ADARB1: variants seen among roughly 807,000 people sequenced by gnomAD.
ADARB1 encodes the protein adenosine deaminase RNA specific B1, also known as double-stranded RNA-specific editase 1.
ADARB1 carries 10 observed loss-of-function variants against 52.4 expected under a neutral mutation model. The observed-to-expected ratio is 0.19, with a 90% CI of 0.12 to 0.32. The LOEUF (loss-of-function observed/expected upper bound fraction) is 0.32. Among genes scored for constraint, ADARB1 ranks in the 10% least tolerant of loss-of-function variants. The probability of loss-of-function intolerance (pLI) is 1.00; values close to 1 mark genes in which losing one functional copy is unlikely to be tolerated. For synonymous variants in ADARB1, 349 were observed against 371.1 expected (o/e 0.94, Z 0.68); for missense variants, 643 against 922.3 (o/e 0.70, Z 3.92).
chr21:45,146,464 C>T (rs1010546324), intron 2 of ADARB1, among the ~76,000 whole-genome samples: 3 of 152,218 alleles, frequency 2.0e-5, no homozygotes, highest in Non-Finnish European at 4.4e-5. Flanking sequence ...GGGACTCTCC[C>T]GGGGCTGCGT....
In ADARB1 at chr21:45,141,359, T is replaced by A. The variant is rs1034643643; in HGVS notation, c.-48+12786T>A. ...TATGTAGTAGTGGTTTTACAGAATA[T>A]ATTTCAAAGGATTGCCATTCTGTTT... On this transcript the variant is annotated intron_variant, in intron 2 of 10. Coordinates refer to ENST00000348831, the MANE Select transcript of ADARB1 (RefSeq NM_001112.4). 3.9e-5 allele frequency among the ~76,000 whole-genome samples: 6 copies of A among 152,354 alleles called. No homozygotes were observed. The South Asian group carries it at 1.2e-3, about 32-fold the overall frequency.
At chr21:45,079,008 C>T (rs1367576888) in intron 1 of ADARB1, among the ~76,000 whole-genome samples, 1 of 152,132 alleles carries the variant, frequency 6.6e-6, no homozygotes, top group Non-Finnish European at 1.5e-5. Flanking sequence ...CCCTTACCTC[C>T]TTACTGCAGC....
chr21:45,197,996 C>G (rs2092463373), intron 8 of ADARB1, among the ~76,000 whole-genome samples: 2 of 152,086 alleles, frequency 1.3e-5, no homozygotes, highest in South Asian at 4.2e-4. Context: ...CACAGTGTCC[C>G]TTTAAGCGTG....
intron 2 of ADARB1, among the ~76,000 whole-genome samples, chr21:45,166,097 A>G (rs1170724252): frequency 6.6e-6 from 1 of 152,182 alleles, no homozygotes; most frequent in African/African-American, 2.4e-5. Flanking sequence ...TAAATAAGTC[A>G]TGTTTTTAAT....
At chr21:45,158,768 C>G (rs532038846) in intron 2 of ADARB1, among the ~76,000 whole-genome samples, 1 of 152,274 alleles carries the variant, frequency 6.6e-6, no homozygotes, top group South Asian at 2.1e-4. Context: ...TGAGACCTGA[C>G]AGTATGCTAG....
intron 8 of ADARB1, among the ~76,000 whole-genome samples, chr21:45,198,492 TTAAATCACA>T (rs899319861): frequency 2.7e-4 from 39 of 143,278 alleles, no homozygotes; most frequent in Non-Finnish European, 4.2e-4. Context: ...GCCTATTAAA[TTAAATCACA>T]CACACACACA....
chr21:45,081,446 T>C (rs1055200259), intron 1 of ADARB1, among the ~76,000 whole-genome samples: 2 of 152,220 alleles, frequency 1.3e-5, no homozygotes, highest in African/African-American at 4.8e-5. Flanking sequence ...AAAATAGGCT[T>C]TGTATTAGAT....
chr21:45,127,504 G>C lies in ADARB1; in HGVS notation c.-219-898G>C, dbSNP rs114358294. ...CCCAGCAGACGAGCTGACGTGTGTT[G>C]TAGATGAATGTCAGCTGGTCACAGG... On this transcript the variant is annotated intron_variant, in intron 1 of 10. Coordinates refer to ENST00000348831, the MANE Select transcript of ADARB1 (RefSeq NM_001112.4). 5.5e-3 allele frequency among the ~76,000 whole-genome samples: 837 copies of C among 152,348 alleles called. 4 individuals carry two copies. Among genetic ancestry groups the C allele is most frequent in the Middle Eastern group, 0.014 (4 of 294 alleles).
chr21:45,084,523 C>G (rs1170544136), intron 1 of ADARB1, among the ~76,000 whole-genome samples: 1 of 152,132 alleles, frequency 6.6e-6, no homozygotes, highest in East Asian at 1.9e-4. Context: ...AGAATTGATC[C>G]CTTTCTCTGT....
In ADARB1 at chr21:45,133,595, G is replaced by T. The variant is rs143654748; in HGVS notation, c.-48+5022G>T. On this transcript the variant is annotated intron_variant, in intron 2 of 10. Transcript: ENST00000348831. ...TGCAAGGCAGGGGAGTGTACAAGGT[G>T]TGTACCCCAGGGGCAGGATGCTAAC... 2.5e-3 allele frequency: 507 copies of T among 205,834 alleles called. 9 individuals are homozygous for T. In the East Asian group the frequency reaches 0.045, roughly 18 times the overall value. 12.8% of individuals were successfully genotyped at this position (205,834 alleles called of 1,614,324 possible).
At position 45,204,723 on chromosome 21, in the gene ADARB1, G is replaced by A. The variant is rs765698360; in HGVS notation, c.1734G>A (p.Lys578=). The part of the protein sequence containing the change: ...EDLPPLYTLN[K]PLLSGISNAE... ...TGCCACCTCTCTACACCCTCAACAAGCCTTTGCTCAGTGGCAAGTATCTCT... is the reference window on the plus strand; with the variant it reads ...TGCCACCTCTCTACACCCTCAACAAACCTTTGCTCAGTGGCAAGTATCTCT... Residue 578 remains lysine (K), a synonymous_variant, in exon 9 of 11, where the codon AAG becomes AAA. Coordinates refer to ENST00000348831, the MANE Select transcript of ADARB1 (RefSeq NM_001112.4). The surrounding 1 kb of genome is among the most constrained non-coding windows in gnomAD (Gnocchi z 4.4). The A allele has an allele frequency of 6.2e-6, 10 of 1,613,964 alleles. No individual in the cohort carries two copies. The highest frequency in any genetic ancestry group is 8.5e-6 in the Non-Finnish European group (10 of 1,179,956).
intron 1 of ADARB1, among the ~76,000 whole-genome samples, chr21:45,104,178 T>C (rs900293937): frequency 6.6e-6 from 1 of 152,206 alleles, no homozygotes; most frequent in African/African-American, 2.4e-5. Flanking sequence ...GCTTCCCCTT[T>C]CTTGTCTGTC....
chr21:45,134,543 C>T (rs887627950), intron 2 of ADARB1, among the ~76,000 whole-genome samples: 2 of 148,748 alleles, frequency 1.3e-5, no homozygotes, highest in Admixed American at 1.3e-4. Context: ...TGGGTGTGTG[C>T]ACCTGGCAGA....
In ADARB1 at chr21:45,204,805, GA is replaced by G; in HGVS notation, c.1747+76del. 4 of 1,512,054 alleles carry G rather than the reference GA, an allele frequency of 2.6e-6. No homozygotes were observed. The highest frequency in any genetic ancestry group is 2.7e-6 in the Non-Finnish European group (3 of 1,109,614). 93.7% of individuals were successfully genotyped at this position (1,512,054 alleles called of 1,614,324 possible). The stretch of plus-strand genomic sequence containing the variant: ...TTGCAATGTTTTCATCCTCATGAAT[GA>G]AAAAAACACCACCTGAGCTGCTCTG... On this transcript the variant is annotated intron_variant, in intron 9 of 10. Transcript: ENST00000348831. The surrounding 1 kb of genome is among the most constrained non-coding windows in gnomAD (Gnocchi z 4.4).
At position 45,222,850 on chromosome 21, in the gene ADARB1, G is replaced by A. The variant is rs1217385276; in HGVS notation, c.*653G>A. 1.1e-5 allele frequency: 11 copies of A among 985,342 alleles called. No homozygotes were observed. The highest frequency in any genetic ancestry group is 1.2e-4 in the Admixed American group (2 of 16,266). The allele number at this position is 985,342 out of a possible 1,614,324, so 61.0% of individuals were successfully genotyped here. On this transcript the variant is annotated 3_prime_UTR_variant, in exon 11 of 11. Transcript: ENST00000348831. Reference sequence around the variant, plus strand: ...GCATGGTGTAGCGTGGCCCTGTCATGCACATGGGGTCCCGCAGCAGTGACT... The same window carrying A: ...GCATGGTGTAGCGTGGCCCTGTCATACACATGGGGTCCCGCAGCAGTGACT...
intron 9 of ADARB1, among the ~76,000 whole-genome samples, chr21:45,207,914 A>G (rs1404553984): frequency 6.6e-6 from 1 of 152,246 alleles, no homozygotes. Flanking sequence ...TAATGCTGTC[A>G]GGATTAAAGT....
At chr21:45,208,000 A>G (rs762312971) in intron 9 of ADARB1, among the ~76,000 whole-genome samples, 13 of 152,216 alleles carry the variant, frequency 8.5e-5, no homozygotes, top group Non-Finnish European at 1.6e-4. Context: ...AAGCTGTGAC[A>G]CTTTTGCCTT....
rs1243655235 is a variant in ADARB1, at chr21:45,225,050, T to C, written c.*2853T>C. 2.0e-6 allele frequency: 2 copies of C among 980,088 alleles called. No homozygotes were observed. Among genetic ancestry groups the C allele is most frequent in the African/African-American group, 1.8e-5 (1 of 55,268 alleles). 60.7% of individuals were successfully genotyped at this position (980,088 alleles called of 1,614,324 possible). A position where few individuals can be genotyped will look rare whatever the true frequency, so the allele number is the denominator to read the frequency against. On this transcript the variant is annotated 3_prime_UTR_variant, in exon 11 of 11. Coordinates refer to ENST00000348831, the MANE Select transcript of ADARB1 (RefSeq NM_001112.4). The stretch of plus-strand genomic sequence containing the variant: ...TACATTTTGAGGACATTTTGACAAG[T>C]AGGGGAAGAGAGGGCTTCTGTTGTT...
chr21:45,161,815 CA>C (rs1400076398), intron 2 of ADARB1, among the ~76,000 whole-genome samples: 1 of 152,188 alleles, frequency 6.6e-6, no homozygotes. Context: ...ATGCACCAAT[CA>C]GCACACACTT....
Sources: allele counts gnomAD v4.1 joint callset (sites outside exome capture counted in the v4.1 genomes callset), GRCh38; gene constraint gnomAD v4.1.1; non-coding constraint Gnocchi (gnomAD v3.1); transcripts MANE v1.5; gene names NCBI Gene and HGNC (gene_info 2026-07-23, HGNC 2026-07-21).